Variants in PHF24 observed in about 807,000 individuals in gnomAD.
The protein encoded by PHF24 is PHD finger protein 24, also known as Galpha inhibitory interacting protein.
Under a neutral mutation model 42.6 loss-of-function variants are expected in PHF24, and 25 were observed. The ratio of observed to expected loss-of-function variants is 0.59; its 90% CI spans 0.43 to 0.82. The LOEUF (loss-of-function observed/expected upper bound fraction) is 0.82. Among genes scored for constraint, PHF24 ranks in the 40% least tolerant of loss-of-function variants. The pLI is 0.00. For synonymous variants in PHF24, 185 were observed against 204.8 expected (o/e 0.90, Z 0.83); for missense variants, 470 against 538.1 (o/e 0.87, Z 1.25).
At chr9:34,790,537 T>C in the PHF24 span, among the ~76,000 whole-genome samples, 1 of 152,264 alleles carries the variant, frequency 6.6e-6, no homozygotes, top group African/African-American at 2.4e-5. Flanking sequence ...TGATTAAATG[T>C]AGCCATCATG....
chr9:34,975,465 G>T (rs1218272541), intron 3 of PHF24, among the ~76,000 whole-genome samples: 3 of 152,164 alleles, frequency 2.0e-5, no homozygotes, highest in Non-Finnish European at 2.9e-5. Flanking sequence ...TACTTTGCGG[G>T]TATCTCAGAG....
chr9:34,739,931 C>T, the PHF24 span, among the ~76,000 whole-genome samples: 2 of 152,102 alleles, frequency 1.3e-5, no homozygotes, highest in African/African-American at 2.4e-5. Context: ...TTCTCCACCT[C>T]CCCACCAGAG....
the PHF24 span, among the ~76,000 whole-genome samples, chr9:34,814,960 C>T: frequency 1.3e-5 from 2 of 152,210 alleles, no homozygotes; most frequent in East Asian, 1.9e-4. Flanking sequence ...AGGCTAGTCT[C>T]GAACTCCCGA....
upstream of PHF24, among the ~76,000 whole-genome samples, chr9:34,956,863 C>T (rs1233692295): frequency 6.6e-6 from 1 of 152,192 alleles, no homozygotes; most frequent in African/African-American, 2.4e-5. Context: ...AATTTTAGAA[C>T]TCCATATATT....
the PHF24 span, among the ~76,000 whole-genome samples, chr9:34,760,700 A>G: frequency 6.6e-6 from 1 of 152,210 alleles, no homozygotes; most frequent in Admixed American, 6.5e-5. Context: ...CGGCCCCGCC[A>G]GGGGTCCTGG....
chr9:34,754,403 G>A, the PHF24 span, among the ~76,000 whole-genome samples: 1 of 151,950 alleles, frequency 6.6e-6, no homozygotes, highest in Non-Finnish European at 1.5e-5. Context: ...CATACCAATG[G>A]CAAACAGGTC....
chr9:34,746,599 A>G, the PHF24 span, among the ~76,000 whole-genome samples: 1 of 152,212 alleles, frequency 6.6e-6, no homozygotes, highest in Admixed American at 6.5e-5. Flanking sequence ...AATATTAAAC[A>G]TTCATTCATT....
the PHF24 span, among the ~76,000 whole-genome samples, chr9:34,812,131 C>T: frequency 2.6e-5 from 4 of 152,222 alleles, no homozygotes; most frequent in African/African-American, 7.2e-5. Context: ...AGCTACTTGG[C>T]GGTGGCTGAG....
the PHF24 span, chr9:34,709,670 G>A: frequency 1.9e-6 from 3 of 1,614,054 alleles, no homozygotes; most frequent in Non-Finnish European, 2.5e-6. Flanking sequence ...GAGAGCGCTT[G>A]CGGGGCAAGA....
upstream of PHF24, among the ~76,000 whole-genome samples, chr9:34,955,912 T>A (rs1235638163): frequency 6.6e-6 from 1 of 152,156 alleles, no homozygotes; most frequent in Non-Finnish European, 1.5e-5. Flanking sequence ...AAAAGCTGTC[T>A]CTCCTCAACA....
chr9:34,851,989 G>A, the PHF24 span, among the ~76,000 whole-genome samples: 188 of 151,914 alleles, frequency 1.2e-3, 2 homozygotes, highest in Non-Finnish European at 1.8e-3. Flanking sequence ...ACACAGTTTC[G>A]AACTGCATGG....
the PHF24 span, among the ~76,000 whole-genome samples, chr9:34,933,114 C>T: frequency 3.9e-5 from 6 of 152,022 alleles, no homozygotes; most frequent in South Asian, 2.1e-4. Context: ...CATGCCACCA[C>T]GCCCTGCTAA....
At chr9:34,856,554 G>A in the PHF24 span, among the ~76,000 whole-genome samples, 1 of 152,152 alleles carries the variant, frequency 6.6e-6, no homozygotes, top group Admixed American at 6.5e-5. Flanking sequence ...GGTTTGCTGG[G>A]TGTGCACTCC....
At chr9:34,708,443 G>C in the PHF24 span, among the ~76,000 whole-genome samples, 2 of 152,176 alleles carry the variant, frequency 1.3e-5, no homozygotes, top group Non-Finnish European at 2.9e-5. Flanking sequence ...GTCAAGGCCC[G>C]AGCTTCACTG....
At chr9:34,976,320 A>T in intron 4 of PHF24, 90 bp downstream of exon 4, 1 of 1,191,048 alleles carries the variant, frequency 8.4e-7, no homozygotes, top group Non-Finnish European at 1.2e-6. Context: ...GGAGTGTTCC[A>T]TATTTAGTGG....
the PHF24 span, among the ~76,000 whole-genome samples, chr9:34,885,523 G>T: frequency 4.6e-5 from 7 of 152,116 alleles, no homozygotes; most frequent in African/African-American, 1.7e-4. Context: ...TAGGTTGGAA[G>T]CAGAATGCAA....
the PHF24 span, among the ~76,000 whole-genome samples, chr9:34,825,788 A>G: frequency 2.0e-5 from 3 of 152,128 alleles, no homozygotes; most frequent in Non-Finnish European, 4.4e-5. Context: ...TGGCAAAACC[A>G]TATGTGTGTA....
At chr9:34,734,754 G>T in the PHF24 span, among the ~76,000 whole-genome samples, 3 of 152,160 alleles carry the variant, frequency 2.0e-5, no homozygotes, top group Admixed American at 6.5e-5. Context: ...AGATTCAGGG[G>T]CACAGCCCCT....
the PHF24 span, among the ~76,000 whole-genome samples, chr9:34,952,041 A>G: frequency 6.6e-6 from 1 of 152,242 alleles, no homozygotes; most frequent in Non-Finnish European, 1.5e-5. Flanking sequence ...CAGACAGTGC[A>G]GTAAAGAAAG....
Sources: gnomAD v4.1 joint callset for allele counts (sites outside exome capture counted in the v4.1 genomes callset) on GRCh38, gnomAD v4.1.1 for gene constraint, MANE v1.5 for transcripts, NCBI Gene and HGNC (gene_info 2026-07-23, HGNC 2026-07-21) for gene names.